Variants in HUNK observed in about 807,000 individuals in gnomAD.
The protein encoded by HUNK is hormonally up-regulated neu tumor-associated kinase.
A neutral mutation model predicts 61.0 loss-of-function variants in HUNK; 21 were observed. The ratio of observed to expected loss-of-function variants is 0.34; its 90% confidence interval spans 0.24 to 0.50. The LOEUF (loss-of-function observed/expected upper bound fraction) is 0.50. HUNK is among the 20% of genes least tolerant of loss of function. The pLI is 0.98. For missense variants in HUNK, 772 were observed against 945.7 expected (o/e 0.82, Z 2.41); for synonymous variants, 371 against 386.1 (o/e 0.96, Z 0.46).
intron 3 of HUNK, among the ~76,000 whole-genome samples, chr21:31,940,935 C>T (rs1386126528): frequency 6.6e-6 from 1 of 152,094 alleles, no homozygotes; most frequent in Non-Finnish European, 1.5e-5. Flanking sequence ...TTTCTTTTAC[C>T]TCAATGGCTT....
At chr21:31,959,035 G>A in intron 5 of HUNK, 65 bp downstream of exon 5, 1 of 1,414,338 alleles carries the variant, frequency 7.1e-7, no homozygotes, top group Non-Finnish European at 9.4e-7. Flanking sequence ...GGGTCTACCT[G>A]TGAAACAGTA....
rs3138690 is a variant in HUNK at position 31,900,446 on chromosome 21, A to AACACACACACACACACACACACAC, written c.262-24012_262-23989dup. On this transcript the variant is annotated intron_variant, in intron 1 of 10. Transcript: ENST00000270112. ...GCTAGAACCAGGTCTTAGTTACTGA[A>AACACACACACACACACACACACAC]ACACACACACACACACACACACACA... Among the ~76,000 whole-genome samples, 553 of 143,090 alleles carry AACACACACACACACACACACACAC rather than the reference A, an allele frequency of 3.9e-3. 10 individuals carry two copies. Among genetic ancestry groups the AACACACACACACACACACACACAC allele is most frequent in the African/African-American group, 0.012 (457 of 37,648 alleles). The allele number at this position is 143,090 out of a possible 152,430, so 93.9% of individuals were successfully genotyped here.
At chr21:31,979,146 A>G (rs2053073211) in intron 7 of HUNK, among the ~76,000 whole-genome samples, 1 of 145,450 alleles carries the variant, frequency 6.9e-6, no homozygotes, top group Non-Finnish European at 1.5e-5. Context: ...CTATGTCACC[A>G]GGCTGGAGTG....
intron 5 of HUNK, among the ~76,000 whole-genome samples, chr21:31,960,173 A>G (rs1339979882): frequency 6.6e-6 from 1 of 152,206 alleles, no homozygotes; most frequent in Non-Finnish European, 1.5e-5. Context: ...TTATTCCGTG[A>G]ATATGTGTTG....
intron 4 of HUNK, among the ~76,000 whole-genome samples, chr21:31,951,191 AAT>A (rs60578023): frequency 2.2e-4 from 32 of 147,800 alleles, no homozygotes; most frequent in African/African-American, 2.7e-4. Flanking sequence ...TATATGTATA[AAT>A]ATATATATAT....
intron 6 of HUNK, among the ~76,000 whole-genome samples, chr21:31,969,199 TTGCG>T (rs1001294343): frequency 2.6e-5 from 4 of 151,692 alleles, no homozygotes; most frequent in Middle Eastern, 3.4e-3. Flanking sequence ...GTGAGTGTGT[TTGCG>T]TGTGTGTGAT....
intron 7 of HUNK, among the ~76,000 whole-genome samples, chr21:31,979,953 C>A (rs2186269): frequency 0.044 from 6,720 of 152,246 alleles, 476 homozygotes; most frequent in African/African-American, 0.15. Flanking sequence ...TCTATTTGTG[C>A]TTTTGTTGCC....
At chr21:31,929,038 T>TTGTG (rs148516318) in intron 2 of HUNK, among the ~76,000 whole-genome samples, 2 of 150,736 alleles carry the variant, frequency 1.3e-5, no homozygotes. Flanking sequence ...GGGCTTTTGG[T>TTGTG]TGTGTGTGTG....
intron 1 of HUNK, among the ~76,000 whole-genome samples, chr21:31,915,795 C>G (rs1349742663): frequency 6.6e-6 from 1 of 152,158 alleles, no homozygotes; most frequent in Non-Finnish European, 1.5e-5. Context: ...TAGGAAGTCA[C>G]TGCCTTGGGA....
At chr21:31,874,021 C>A in intron 1 of HUNK, 86 bp downstream of exon 1, 1 of 1,098,208 alleles carries the variant, frequency 9.1e-7, no homozygotes, top group Non-Finnish European at 1.2e-6. Flanking sequence ...ACTGGGAGTC[C>A]CAGTGTGCAG....
At chr21:31,947,733 C>T (rs1346733518) in intron 4 of HUNK, among the ~76,000 whole-genome samples, 1 of 152,192 alleles carries the variant, frequency 6.6e-6, no homozygotes, top group African/African-American at 2.4e-5. Flanking sequence ...ACCCCCTCCA[C>T]CATCCCCTGT....
At chr21:31,902,233 G>A (rs770088834) in intron 1 of HUNK, among the ~76,000 whole-genome samples, 8 of 152,162 alleles carry the variant, frequency 5.3e-5, no homozygotes, top group African/African-American at 9.7e-5. Context: ...GGCCACGGCC[G>A]GGCGCGGTGG....
chr21:31,898,566 C>T (rs113077632), intron 1 of HUNK, among the ~76,000 whole-genome samples: 4,403 of 152,244 alleles, frequency 0.029, 84 homozygotes, highest in Non-Finnish European at 0.046. Context: ...CACGCCCGGC[C>T]GTGGATTTTT....
At chr21:31,983,370 G>A (rs953923421) in intron 7 of HUNK, among the ~76,000 whole-genome samples, 156 bp from the exon 8 acceptor site, 1 of 152,230 alleles carries the variant, frequency 6.6e-6, no homozygotes, top group East Asian at 1.9e-4. Context: ...CTGCCTGCAG[G>A]CCTTCCTGGG....
intron 1 of HUNK, among the ~76,000 whole-genome samples, chr21:31,914,829 C>T (rs903831912): frequency 2.6e-5 from 4 of 152,126 alleles, no homozygotes; most frequent in African/African-American, 9.7e-5. Context: ...CCTCATTTAA[C>T]GTTAATAACC....
chr21:31,901,887 C>T (rs1359785671), intron 1 of HUNK, among the ~76,000 whole-genome samples: 1 of 152,068 alleles, frequency 6.6e-6, no homozygotes, highest in Non-Finnish European at 1.5e-5. Flanking sequence ...ATTTGAGGCC[C>T]AGCTCAGGCC....
chr21:31,891,468 C>T (rs1750316966), intron 1 of HUNK, among the ~76,000 whole-genome samples: 1 of 152,232 alleles, frequency 6.6e-6, no homozygotes, highest in African/African-American at 2.4e-5. Flanking sequence ...GTGATTGGCC[C>T]AGACTCTGAC....
At chr21:31,900,697 C>A (rs2052460357) in intron 1 of HUNK, among the ~76,000 whole-genome samples, 1 of 152,126 alleles carries the variant, frequency 6.6e-6, no homozygotes, top group Non-Finnish European at 1.5e-5. Context: ...TGGAAGTAAG[C>A]CTTTATCCAG....
intron 1 of HUNK, among the ~76,000 whole-genome samples, chr21:31,904,695 T>G (rs1018542926): frequency 2.0e-5 from 3 of 152,206 alleles, no homozygotes; most frequent in Non-Finnish European, 4.4e-5. Flanking sequence ...GTGATAAATT[T>G]TACTGGTGTT....
Sources: gnomAD v4.1 joint callset for allele counts (sites outside exome capture counted in the v4.1 genomes callset) on GRCh38, gnomAD v4.1.1 for gene constraint, MANE v1.5 for transcripts, NCBI Gene and HGNC (gene_info 2026-07-23, HGNC 2026-07-21) for gene names.